The following OCA2 variants were observed in gnomAD, a reference collection of about 807,000 sequenced individuals.
The protein encoded by OCA2 is P protein.
OCA2 carries 77 observed loss-of-function variants against 100.2 expected under a neutral mutation model. That is an observed-to-expected ratio of 0.77 (90% CI 0.64 to 0.93). OCA2 has a LOEUF of 0.93. Ranked by LOEUF, OCA2 falls within the 40% of genes least tolerant of loss-of-function variation. The pLI is 0.00. For synonymous variants in OCA2, 432 were observed against 439.2 expected, an observed-to-expected ratio of 0.98 and a Z score of 0.21; for missense variants, 1,062 against 1,089.1, an observed-to-expected ratio of 0.98 and a Z score of 0.35.
At chr15:27,862,087 T>G (rs925688716) in intron 21 of OCA2, among the ~76,000 whole-genome samples, 1 of 152,072 alleles carries the variant, frequency 6.6e-6, no homozygotes, top group African/African-American at 2.4e-5. Flanking sequence ...AGAGAAAGCA[T>G]GGTCGTCAGC....
At chr15:27,978,240 G>T (rs1286837245) in intron 14 of OCA2, among the ~76,000 whole-genome samples, 1 of 152,152 alleles carries the variant, frequency 6.6e-6, no homozygotes, top group African/African-American at 2.4e-5. Context: ...AATGTTTCAA[G>T]TGCAGTTGGA....
chr15:27,929,125 T>G (rs914421515), intron 18 of OCA2, among the ~76,000 whole-genome samples: 1 of 152,226 alleles, frequency 6.6e-6, no homozygotes, highest in Admixed American at 6.5e-5. Context: ...AGCACTCTTT[T>G]GTGTAGAAAT....
At chr15:27,727,908 C>T in the OCA2 span, among the ~76,000 whole-genome samples, 1 of 152,198 alleles carries the variant, frequency 6.6e-6, no homozygotes, top group African/African-American at 2.4e-5. Context: ...GTCTCCTTTG[C>T]TGTTTAAGAC....
intron 2 of OCA2, among the ~76,000 whole-genome samples, chr15:28,070,637 C>A (rs1201485380): frequency 2.0e-5 from 3 of 148,784 alleles, no homozygotes; most frequent in South Asian, 4.4e-4. Flanking sequence ...CCCCTCTGCC[C>A]GGCCACCACC....
intron 5 of OCA2, among the ~76,000 whole-genome samples, chr15:28,023,600 C>T (rs2141306737): frequency 6.6e-6 from 1 of 152,096 alleles, no homozygotes; most frequent in East Asian, 1.9e-4. Context: ...CATCATGAAA[C>T]ACAGCTCAGA....
chr15:27,877,980 T>A (rs1045719167), intron 19 of OCA2, among the ~76,000 whole-genome samples: 4 of 150,514 alleles, frequency 2.7e-5, no homozygotes, highest in Non-Finnish European at 4.4e-5. Context: ...TTTAATAATA[T>A]TATTATTAAG....
At chr15:27,842,128 T>C (rs923064711) in intron 23 of OCA2, among the ~76,000 whole-genome samples, 3 of 152,234 alleles carry the variant, frequency 2.0e-5, no homozygotes, top group African/African-American at 7.2e-5. Context: ...CCAGGATACA[T>C]CTGCCTGTTG....
At chr15:27,903,681 T>A (rs1444721612) in intron 19 of OCA2, among the ~76,000 whole-genome samples, 1 of 152,122 alleles carries the variant, frequency 6.6e-6, no homozygotes, top group Non-Finnish European at 1.5e-5. Context: ...GAGGCTTAGG[T>A]CCTTAGTGAT....
At chr15:27,770,608 G>A (rs147125776) in intron 23 of OCA2, among the ~76,000 whole-genome samples, 215 of 151,946 alleles carry the variant, frequency 1.4e-3, no homozygotes, top group African/African-American at 4.8e-3. Context: ...TTGGCCTCCC[G>A]TGTCCTTACC....
At chr15:27,757,664 T>C (rs1267522523) in intron 23 of OCA2, among the ~76,000 whole-genome samples, 1 of 152,240 alleles carries the variant, frequency 6.6e-6, no homozygotes, top group African/African-American at 2.4e-5. Context: ...TTTCTTTATA[T>C]ATAAAATGAA....
intron 14 of OCA2, among the ~76,000 whole-genome samples, chr15:27,976,736 T>C (rs1378159500): frequency 2.6e-5 from 4 of 152,188 alleles, no homozygotes; most frequent in Non-Finnish European, 4.4e-5. Context: ...CTAGTTCACA[T>C]ATCAAGGCCT....
intron 21 of OCA2, 51 bp downstream of exon 21, chr15:27,871,103 G>T (rs371865046): frequency 1.9e-5 from 26 of 1,349,442 alleles, no homozygotes; most frequent in Non-Finnish European, 2.6e-5. Flanking sequence ...GTGAGCCCCA[G>T]GCTATGTCCA....
chr15:27,959,642 C>G (rs1259858600), intron 15 of OCA2, among the ~76,000 whole-genome samples: 1 of 152,152 alleles, frequency 6.6e-6, no homozygotes, highest in Non-Finnish European at 1.5e-5. Flanking sequence ...CCCCTGGGTG[C>G]GGGCTGGAAG....
rs1595764495 is a variant in OCA2 at position 27,985,104 on chromosome 15, T to C, written c.1324A>G (p.Asn442Asp). Residue 442 changes from asparagine (N) to aspartate (D), a missense_variant, in exon 13 of 24, where the codon AAC becomes GAC. Physicochemically the swap from Asn to Asp is conservative, Grantham distance 23. Transcript: ENST00000354638. ...IAAVLSAFLDNVTTMLLFTPV... is the reference protein window; with the variant it reads ...IAAVLSAFLDDVTTMLLFTPV... ...GTGAAGAGGAGCATGGTGGTGACGT[T>C]GTCCAAGAAGGCAGAGAGGACGGCC... 6.2e-7 allele frequency: 1 copy of C among 1,613,902 alleles called. No individual in the cohort carries two copies. Among genetic ancestry groups the C allele is most frequent in the Non-Finnish European group, 8.5e-7 (1 of 1,179,936 alleles).
intron 15 of OCA2, among the ~76,000 whole-genome samples, chr15:27,958,133 T>C (rs540595740): frequency 6.6e-6 from 1 of 152,172 alleles, no homozygotes; most frequent in Non-Finnish European, 1.5e-5. Context: ...CACACTAACA[T>C]GGCACATGTA....
chr15:27,844,152 A>T lies in OCA2; in HGVS notation c.2432+807T>A, dbSNP rs149705648. Among the ~76,000 whole-genome samples, 503 of 152,182 alleles carry T rather than the reference A, an allele frequency of 3.3e-3. 2 individuals carry two copies. The highest frequency in any genetic ancestry group is 0.011 in the African/African-American group (469 of 41,528). On this transcript the variant is annotated intron_variant, in intron 23 of 23. Transcript: ENST00000354638. ...GTCAGCAGTCAGGGCCCCAGCGCGG[A>T]CTCAGCTCCTCCTAGAGGAGGCTCT...
chr15:28,081,926 T>G, intron 1 of OCA2, 31 bp from the exon 2 acceptor site: 1 of 1,539,780 alleles, frequency 6.5e-7, no homozygotes, highest in South Asian at 1.2e-5. Context: ...CCACTCTTCA[T>G]GAAAGGCACA....
chr15:28,042,472 C>CAAAAAAAAAA (rs972724008), intron 2 of OCA2, among the ~76,000 whole-genome samples: 2 of 97,276 alleles, frequency 2.1e-5, no homozygotes, highest in Non-Finnish European at 4.4e-5. Flanking sequence ...ACTAAAAATA[C>CAAAAAAAAAA]AAAAAAAAAA....
chr15:28,067,782 C>T (rs2044070163), intron 2 of OCA2, among the ~76,000 whole-genome samples: 1 of 152,118 alleles, frequency 6.6e-6, no homozygotes, highest in African/African-American at 2.4e-5. Context: ...GAATATGTTC[C>T]ATATGCAGAT....
Sources: gnomAD v4.1 joint callset for allele counts (sites outside exome capture counted in the v4.1 genomes callset) on GRCh38, gnomAD v4.1.1 for gene constraint, MANE v1.5 for transcripts, NCBI Gene and HGNC (gene_info 2026-07-23, HGNC 2026-07-21) for gene names.